The following CLPTM1L variants were observed in gnomAD, a reference collection of about 807,000 sequenced individuals.
CLPTM1L encodes CLPTM1 like, also known as lipid scramblase CLPTM1L.
In CLPTM1L, 38 loss-of-function variants were observed where a neutral mutation model predicts 70.9. That is an observed-to-expected ratio of 0.54 (90% CI 0.41 to 0.70). The LOEUF is 0.70. Ranked by LOEUF, CLPTM1L falls within the 30% of genes least tolerant of loss-of-function variation. CLPTM1L has a pLI of 0.00. For missense variants in CLPTM1L, 652 were observed against 705.9 expected (o/e 0.92, Z 0.87); for synonymous variants, 339 against 299.9 (o/e 1.13, Z -1.35).
At position 1,318,925 on chromosome 5, in the gene CLPTM1L, G is replaced by T. The variant is rs1751989893; in HGVS notation, c.1533-472C>A. Among the ~76,000 whole-genome samples, 1 of 151,986 alleles carries T rather than the reference G, an allele frequency of 6.6e-6. No homozygotes were observed. The highest frequency in any genetic ancestry group is 1.5e-5 in the Non-Finnish European group (1 of 67,992). On this transcript the variant is annotated intron_variant, in intron 16 of 16. Coordinates refer to ENST00000320895, the MANE Select transcript of CLPTM1L (RefSeq NM_030782.5). The surrounding 1 kb of genome is among the most constrained non-coding windows in gnomAD (Gnocchi z 8.9). ...ATCACCCCTACGTATGGATGAGGAA[G>T]CTGTGGCATAAGGGGCAGCTCTACA...
intron 7 of CLPTM1L, among the ~76,000 whole-genome samples, chr5:1,332,734 G>C (rs1467834889): frequency 6.6e-6 from 1 of 152,212 alleles, no homozygotes; most frequent in Admixed American, 6.5e-5. Flanking sequence ...ACACTGTCCT[G>C]TCCTGTTTCT....
chr5:1,329,132 G>A (rs1333919422), intron 9 of CLPTM1L, among the ~76,000 whole-genome samples: 1 of 152,270 alleles, frequency 6.6e-6, no homozygotes, highest in Non-Finnish European at 1.5e-5. Flanking sequence ...CTAGGCTTAA[G>A]CCTGGGCCCT....
intron 6 of CLPTM1L, 41 bp from the exon 7 acceptor site, chr5:1,334,424 G>C (rs765538084): frequency 7.4e-7 from 1 of 1,348,332 alleles, no homozygotes; most frequent in Non-Finnish European, 1.1e-6. Flanking sequence ...AACAGGCAAT[G>C]TCAATCTTAC....
chr5:1,322,515 G>A (rs1032213389), intron 13 of CLPTM1L, among the ~76,000 whole-genome samples: 12 of 152,214 alleles, frequency 7.9e-5, no homozygotes, highest in Non-Finnish European at 1.5e-5. Flanking sequence ...TTGTTTCCAT[G>A]AAGAAAACAG....
At chr5:1,326,374 TACAGACAC>T (rs1343322577) in intron 9 of CLPTM1L, 2 of 250,630 alleles carry the variant, frequency 8.0e-6, no homozygotes, top group East Asian at 2.9e-4. Context: ...GCTCCTCCTC[TACAGACAC>T]ATTTCATCCA....
At chr5:1,338,685 C>A (rs1753739957) in intron 4 of CLPTM1L, among the ~76,000 whole-genome samples, 175 bp downstream of exon 4, 1 of 152,208 alleles carries the variant, frequency 6.6e-6, no homozygotes. Flanking sequence ...CCCTTCCAGC[C>A]CTGTGGTAGC....
chr5:1,333,804 T>G (rs1204373997), intron 7 of CLPTM1L, among the ~76,000 whole-genome samples: 1 of 149,730 alleles, frequency 6.7e-6, no homozygotes, highest in East Asian at 2.0e-4. Flanking sequence ...ACACATCGGG[T>G]AAGGGGGAAC....
At chr5:1,320,488 C>T in intron 16 of CLPTM1L, 128 bp downstream of exon 16, 3 of 521,264 alleles carry the variant, frequency 5.8e-6, no homozygotes, top group South Asian at 7.0e-5. Context: ...GAAAAACCAC[C>T]ACCTGCAAAT....
rs1474022822 is a variant in CLPTM1L at position 1,344,862 on chromosome 5, C to CCCCGGCCCG, written c.-30_-22dup. 1.1e-5 allele frequency: 16 copies of CCCCGGCCCG among 1,391,536 alleles called. No homozygotes were observed. Among genetic ancestry groups the CCCCGGCCCG allele is most frequent in the Non-Finnish European group, 1.5e-5 (16 of 1,064,290 alleles). The allele number at this position is 1,391,536 out of a possible 1,614,324, so 86.2% of individuals were successfully genotyped here. ...CACATGGCGGCCCCGCGCCCGGCGC[C>CCCCGGCCCG]CCCGGCCCGCCCGCCTCTCAGCCGC... On this transcript the variant is annotated 5_prime_UTR_variant, in exon 1 of 17. Transcript: ENST00000320895.
At chr5:1,324,522 C>T (rs974483591) in intron 11 of CLPTM1L, among the ~76,000 whole-genome samples, 6 of 152,236 alleles carry the variant, frequency 3.9e-5, no homozygotes, top group African/African-American at 9.6e-5. Context: ...GAAAATATCC[C>T]TACTATACGG....
At chr5:1,332,835 T>C (rs1270391698) in intron 7 of CLPTM1L, among the ~76,000 whole-genome samples, 1 of 152,256 alleles carries the variant, frequency 6.6e-6, no homozygotes, top group African/African-American at 2.4e-5. Context: ...ATTCATTCAT[T>C]ACGTTATTTG....
chr5:1,333,042 T>G (rs1753222398), intron 7 of CLPTM1L, among the ~76,000 whole-genome samples: 1 of 126,656 alleles, frequency 7.9e-6, no homozygotes, highest in Non-Finnish European at 1.6e-5. Context: ...GGGGGACTAC[T>G]GTATACACAC....
At chr5:1,324,642 C>A (rs1579622728) in intron 11 of CLPTM1L, 121 bp downstream of exon 11, 11 of 986,526 alleles carry the variant, frequency 1.1e-5, no homozygotes, top group Middle Eastern at 2.3e-4. Context: ...GATCCCTGCT[C>A]AAGGCGGGCT....
At chr5:1,327,174 A>T (rs1330734039) in intron 9 of CLPTM1L, among the ~76,000 whole-genome samples, 1 of 149,030 alleles carries the variant, frequency 6.7e-6, no homozygotes, top group Non-Finnish European at 1.5e-5. Flanking sequence ...GGCACATTCC[A>T]TCCAGCTCCT....
intron 16 of CLPTM1L, among the ~76,000 whole-genome samples, chr5:1,319,013 T>C: frequency 6.6e-6 from 1 of 152,188 alleles, no homozygotes; most frequent in East Asian, 1.9e-4. Flanking sequence ...CCAAGGGCCC[T>C]GTGATCCTGG....
intron 9 of CLPTM1L, chr5:1,326,095 T>C: frequency 2.2e-6 from 1 of 451,088 alleles, no homozygotes. Flanking sequence ...CCACTCTGCC[T>C]GCACCCAAAT....
At chr5:1,338,728 T>A in intron 4 of CLPTM1L, 132 bp downstream of exon 4, 2 of 1,000,200 alleles carry the variant, frequency 2.0e-6, no homozygotes, top group South Asian at 3.2e-5. Flanking sequence ...GGGAAAGAGC[T>A]GGGAGGCCCG....
rs1053232071 is a variant in CLPTM1L at position 1,342,914 on chromosome 5, C to T, written c.264-1054G>A. Among the ~76,000 whole-genome samples the T allele has an allele frequency of 2.0e-4, 30 of 152,222 alleles. No individual in the cohort carries two copies. Among genetic ancestry groups the T allele is most frequent in the Non-Finnish European group, 3.7e-4 (25 of 68,042 alleles). On this transcript the variant is annotated intron_variant, in intron 2 of 16. Transcript: ENST00000320895. This position sits in a 1 kb window ranked among gnomAD's most constrained non-coding sequence, Gnocchi z 4.3. The stretch of plus-strand genomic sequence containing the variant: ...TCTCCTTAAAAATCTTACGGTTGGC[C>T]GGGTGCGGCGGCTCACGCCTGTAAT...
intron 4 of CLPTM1L, 81 bp downstream of exon 4, chr5:1,338,779 G>C: frequency 6.4e-7 from 1 of 1,563,454 alleles, no homozygotes; most frequent in Non-Finnish European, 8.8e-7. Flanking sequence ...CCACGGTGCA[G>C]GAGTGACCTG....
Sources: gnomAD v4.1 joint callset for allele counts (sites outside exome capture counted in the v4.1 genomes callset) on GRCh38, gnomAD v4.1.1 for gene constraint, Gnocchi (gnomAD v3.1) non-coding constraint, MANE v1.5 for transcripts, NCBI Gene and HGNC (gene_info 2026-07-23, HGNC 2026-07-21) for gene names.